The following CTNNA2 variants were observed in gnomAD, a reference collection of about 807,000 sequenced individuals.
CTNNA2 encodes catenin alpha-2.
In CTNNA2, 42 loss-of-function variants were observed where a neutral mutation model predicts 101.0. The observed-to-expected ratio is 0.42, with a 90% CI of 0.32 to 0.54. The LOEUF (loss-of-function observed/expected upper bound fraction) is 0.54, where lower values mean the gene tolerates loss of function less well. Among genes scored for constraint, CTNNA2 ranks in the 20% least tolerant of loss-of-function variants. CTNNA2 has a pLI of 0.14. For synonymous variants in CTNNA2, 450 were observed against 456.4 expected (o/e 0.99, Z 0.18); for missense variants, 871 against 1,223.1 (o/e 0.71, Z 4.29).
At chr2:79,408,743 A>G (rs935660871) in intron 4 of CTNNA2, among the ~76,000 whole-genome samples, 1 of 152,082 alleles carries the variant, frequency 6.6e-6, no homozygotes, top group Non-Finnish European at 1.5e-5. Flanking sequence ...TATTGTGAAT[A>G]GTGCCGCAAT....
chr2:79,567,345 T>G (rs989248556), intron 1 of CTNNA2, among the ~76,000 whole-genome samples: 3 of 152,060 alleles, frequency 2.0e-5, no homozygotes, highest in Admixed American at 1.3e-4. Context: ...AACTGGCACT[T>G]TTAGCTATTT....
intron 3 of CTNNA2, among the ~76,000 whole-genome samples, chr2:79,814,641 A>G (rs984507141): frequency 6.6e-6 from 1 of 151,744 alleles, no homozygotes; most frequent in Non-Finnish European, 1.5e-5. Flanking sequence ...ACACACACAT[A>G]TATATATATA....
At chr2:80,306,395 TTTTCTTTTCTTTCTTTCTTTCTTTC>T (rs1676967091) in intron 7 of CTNNA2, among the ~76,000 whole-genome samples, 1 of 135,242 alleles carries the variant, frequency 7.4e-6, no homozygotes, top group East Asian at 2.1e-4. Context: ...TTTTCTTTTC[TTTTCTTTTCTTTCTTTCTTTCTTTC>T]TTTCTTTCTT....
intron 3 of CTNNA2, among the ~76,000 whole-genome samples, chr2:79,749,377 A>G (rs111689990): frequency 0.012 from 1,834 of 152,290 alleles, 36 homozygotes; most frequent in African/African-American, 0.042. Flanking sequence ...TAAATTGCCT[A>G]AAAGAGATAT....
At chr2:79,748,288 G>T (rs1006721579) in intron 3 of CTNNA2, among the ~76,000 whole-genome samples, 1 of 152,158 alleles carries the variant, frequency 6.6e-6, no homozygotes, top group Non-Finnish European at 1.5e-5. Context: ...AATGGGGCAA[G>T]ATATTTAGTT....
intron 15 of CTNNA2, among the ~76,000 whole-genome samples, chr2:80,589,905 T>TGTGTGCGTGC (rs1491383706): frequency 8.7e-6 from 1 of 114,496 alleles, no homozygotes; most frequent in African/African-American, 3.1e-5. Context: ...TGTGTGTGTG[T>TGTGTGCGTGC]GCGCGCGCGC....
chr2:79,201,423 G>A (rs1363729504), intron 2 of CTNNA2, among the ~76,000 whole-genome samples: 1 of 145,118 alleles, frequency 6.9e-6, no homozygotes, highest in Non-Finnish European at 1.5e-5. Flanking sequence ...CATCCTAGAA[G>A]CAGGAAAAAA....
At chr2:80,544,112 G>T (rs891799836) in intron 9 of CTNNA2, among the ~76,000 whole-genome samples, 1 of 152,052 alleles carries the variant, frequency 6.6e-6, no homozygotes, top group Admixed American at 6.5e-5. Flanking sequence ...CTGGGAACTT[G>T]AATTCAGTCC....
At chr2:80,175,275 G>A (rs1418965724) in intron 7 of CTNNA2, among the ~76,000 whole-genome samples, 2 of 152,092 alleles carry the variant, frequency 1.3e-5, no homozygotes, top group East Asian at 3.9e-4. Flanking sequence ...TTGCACCTTA[G>A]GAACTGCTTC....
intron 9 of CTNNA2, among the ~76,000 whole-genome samples, chr2:80,490,913 A>C (rs764818671): frequency 6.6e-6 from 1 of 152,218 alleles, no homozygotes; most frequent in Non-Finnish European, 1.5e-5. Context: ...ATGAACTGCC[A>C]TTAAAGATAG....
chr2:80,181,635 G>A (rs1442309278), intron 7 of CTNNA2, among the ~76,000 whole-genome samples: 1 of 152,154 alleles, frequency 6.6e-6, no homozygotes, highest in African/African-American at 2.4e-5. Flanking sequence ...GAAGCTGGGA[G>A]CTAGAATCCC....
intron 7 of CTNNA2, among the ~76,000 whole-genome samples, chr2:80,258,070 T>G (rs2149117704): frequency 6.6e-6 from 1 of 152,306 alleles, no homozygotes; most frequent in Non-Finnish European, 1.5e-5. Flanking sequence ...AAGTGTGTGG[T>G]TTTAACAATC....
At chr2:79,387,373 C>G (rs1015153742) in intron 4 of CTNNA2, among the ~76,000 whole-genome samples, 2 of 152,170 alleles carry the variant, frequency 1.3e-5, no homozygotes, top group African/African-American at 4.8e-5. Context: ...TCCAGATTAG[C>G]TCGTCAGGGA....
intron 4 of CTNNA2, among the ~76,000 whole-genome samples, chr2:79,379,556 A>G (rs1001458698): frequency 6.6e-6 from 1 of 152,200 alleles, no homozygotes; most frequent in African/African-American, 2.4e-5. Flanking sequence ...ACTAGTTACT[A>G]ACTCATAGGG....
At chr2:79,965,827 CAAAAAAA>C (rs10686940) in intron 7 of CTNNA2, among the ~76,000 whole-genome samples, 17 of 77,992 alleles carry the variant, frequency 2.2e-4, no homozygotes, top group African/African-American at 5.8e-4. Context: ...GAGACTATGT[CAAAAAAA>C]AAAAAAAAAA....
At chr2:79,916,117 G>T (rs1686185789) in intron 7 of CTNNA2, among the ~76,000 whole-genome samples, 1 of 152,198 alleles carries the variant, frequency 6.6e-6, no homozygotes, top group Admixed American at 6.5e-5. Flanking sequence ...ATGAGGGAAT[G>T]CAACTCCCTG....
intron 9 of CTNNA2, among the ~76,000 whole-genome samples, chr2:80,491,209 A>T (rs1455184228): frequency 6.6e-6 from 1 of 152,202 alleles, no homozygotes; most frequent in African/African-American, 2.4e-5. Flanking sequence ...TATCAGTCCC[A>T]GTTTGATGGC....
chr2:80,215,646 G>T (rs1222597883), intron 7 of CTNNA2, among the ~76,000 whole-genome samples: 1 of 152,172 alleles, frequency 6.6e-6, no homozygotes, highest in Admixed American at 6.5e-5. Flanking sequence ...GGGGCACCTG[G>T]CTGTATGAAG....
chr2:79,747,505 G>T (rs2105008797), intron 3 of CTNNA2, among the ~76,000 whole-genome samples: 1 of 152,108 alleles, frequency 6.6e-6, no homozygotes, highest in South Asian at 2.1e-4. Context: ...ATTGGCCCCG[G>T]GCCTCCTTTT....
Sources: allele counts gnomAD v4.1 joint callset (sites outside exome capture counted in the v4.1 genomes callset), GRCh38; gene constraint gnomAD v4.1.1; transcripts MANE v1.5; gene names NCBI Gene and HGNC (gene_info 2026-07-23, HGNC 2026-07-21).